The following UVRAG variants were observed in gnomAD, a reference collection of about 807,000 sequenced individuals.
UVRAG encodes the protein UV radiation resistance-associated gene protein.
Under a neutral mutation model 78.0 loss-of-function variants are expected in UVRAG, and 19 were observed. The ratio of observed to expected loss-of-function variants is 0.24; its 90% confidence interval spans 0.17 to 0.36. UVRAG has a LOEUF of 0.36. UVRAG is among the 10% of genes least tolerant of loss of function. The pLI is 1.00. For missense variants in UVRAG, 740 were observed against 853.8 expected (o/e 0.87, Z 1.66); for synonymous variants, 323 against 324.6 (o/e 1.00, Z 0.05).
Position 75,815,449 on chromosome 11 carries a change from AC to A in UVRAG, c.47del (p.Pro16ArgfsTer70), listed in dbSNP as rs1427902524. On this transcript the variant is annotated frameshift_variant, in exon 1 of 15. Transcript: ENST00000356136. LOFTEE classifies it high-confidence loss of function. ...ASVGGPVPQP[P>X]PGPAAALPPG... ...CGGTCGGGGGCCCCGTCCCCCAGCC[AC>A]CCCCGGGCCCGGCCGCTGCTCTGCC... 6 of 1,247,198 alleles carry A rather than the reference AC, an allele frequency of 4.8e-6. No homozygotes were observed. The highest frequency in any genetic ancestry group is 3.2e-5 in the South Asian group (1 of 30,816). The allele number at this position is 1,247,198 out of a possible 1,614,324, so 77.3% of individuals were successfully genotyped here. A position where few individuals can be genotyped will look rare whatever the true frequency, so the allele number is the denominator to read the frequency against.
intron 13 of UVRAG, among the ~76,000 whole-genome samples, chr11:76,068,621 GT>G (rs1482854955): frequency 1.3e-5 from 2 of 152,182 alleles, no homozygotes; most frequent in East Asian, 3.8e-4. Context: ...TTTTAGAACA[GT>G]TGTGACCTTT....
chr11:75,836,337 T>C (rs568857916), intron 1 of UVRAG, among the ~76,000 whole-genome samples: 15 of 152,268 alleles, frequency 9.9e-5, no homozygotes, highest in African/African-American at 3.6e-4. Context: ...TCTTCCTTAT[T>C]TTTCAGATAA....
intron 11 of UVRAG, chr11:76,013,175 A>G (rs896773901): frequency 1.3e-5 from 2 of 152,150 alleles, no homozygotes; most frequent in Non-Finnish European, 2.9e-5. Flanking sequence ...ATATAAATCA[A>G]AGGAACATTT....
At chr11:76,017,094 G>A (rs1051039406) in intron 12 of UVRAG, 114 bp downstream of exon 12, 1 of 660,690 alleles carries the variant, frequency 1.5e-6, no homozygotes. Context: ...TATAACCTTT[G>A]TAGAGTGCCT....
At chr11:76,090,512 C>G (rs1951678063) in intron 13 of UVRAG, among the ~76,000 whole-genome samples, 2 of 152,300 alleles carry the variant, frequency 1.3e-5, no homozygotes, top group East Asian at 3.9e-4. Flanking sequence ...TGGCTACCTG[C>G]AGGCTGCAAC....
rs574124255 is a variant in UVRAG at position 75,949,531 on chromosome 11, C to T, written c.594-11913C>T. ...TCAACACATCCTCTTGGATGTTACACAGGCACCTCCAACTGAAAATAGAAC... is the reference window on the plus strand; with the variant it reads ...TCAACACATCCTCTTGGATGTTACATAGGCACCTCCAACTGAAAATAGAAC... On this transcript the variant is annotated intron_variant, in intron 6 of 14. Transcript: ENST00000356136. Among the ~76,000 whole-genome samples the T allele has an allele frequency of 8.5e-5, 13 of 152,150 alleles. No homozygotes were observed. In the South Asian group the frequency reaches 1.5e-3, roughly 17 times the overall value.
chr11:76,139,921 C>G (rs1952675150), intron 14 of UVRAG, among the ~76,000 whole-genome samples: 1 of 151,036 alleles, frequency 6.6e-6, no homozygotes, highest in African/African-American at 2.4e-5. Context: ...GCATTGCAGA[C>G]CAAGTATTGT....
chr11:76,072,605 A>G lies in UVRAG; in HGVS notation c.1305+6817A>G, dbSNP rs111641627. 7.1e-3 allele frequency among the ~76,000 whole-genome samples: 1,074 copies of G among 152,338 alleles called. 18 individuals are homozygous for G. Among genetic ancestry groups the G allele is most frequent in the African/African-American group, 0.025 (1,027 of 41,574 alleles). ...AAGGAAGACTTTTGATAGGTATGAT[A>G]TAAATGTATAGTTCTTAACCACAAC... On this transcript the variant is annotated intron_variant, in intron 13 of 14. Transcript: ENST00000356136.
chr11:75,873,925 G>A (rs1035625594), intron 3 of UVRAG, among the ~76,000 whole-genome samples: 2 of 152,178 alleles, frequency 1.3e-5, no homozygotes, highest in Non-Finnish European at 1.5e-5. Context: ...CAGCGTCCTC[G>A]GTGGACAGTT....
At chr11:75,874,627 A>T (rs1000393925) in intron 3 of UVRAG, among the ~76,000 whole-genome samples, 4 of 151,474 alleles carry the variant, frequency 2.6e-5, no homozygotes, top group Non-Finnish European at 2.9e-5. Context: ...AAATATTTGT[A>T]TGTGCTAGAA....
At chr11:75,968,973 T>C (rs1412383521) in intron 7 of UVRAG, among the ~76,000 whole-genome samples, 2 of 152,208 alleles carry the variant, frequency 1.3e-5, no homozygotes, top group Non-Finnish European at 2.9e-5. Context: ...TGACTTTTTT[T>C]CCAATTATTT....
chr11:76,050,152 G>A (rs745365661), intron 12 of UVRAG, among the ~76,000 whole-genome samples: 3 of 152,078 alleles, frequency 2.0e-5, no homozygotes, highest in Non-Finnish European at 2.9e-5. Flanking sequence ...GTTAATCTGT[G>A]GCAAACACCA....
chr11:75,950,682 T>C (rs2135164872), intron 6 of UVRAG, among the ~76,000 whole-genome samples: 2 of 152,288 alleles, frequency 1.3e-5, no homozygotes, highest in South Asian at 4.1e-4. Flanking sequence ...TTTGAAAAGT[T>C]CCAGTTGCTC....
At chr11:75,978,771 A>G (rs891574949) in intron 7 of UVRAG, among the ~76,000 whole-genome samples, 4 of 152,192 alleles carry the variant, frequency 2.6e-5, no homozygotes, top group Non-Finnish European at 4.4e-5. Context: ...CCATTCATCC[A>G]ATATTTTTCA....
intron 14 of UVRAG, among the ~76,000 whole-genome samples, chr11:76,126,094 C>T (rs1286567934): frequency 2.0e-5 from 3 of 150,874 alleles, no homozygotes; most frequent in South Asian, 2.1e-4. Context: ...GGACCACAGG[C>T]GCATGCCACC....
chr11:75,846,234 A>G (rs1191835497), intron 1 of UVRAG, among the ~76,000 whole-genome samples: 1 of 152,218 alleles, frequency 6.6e-6, no homozygotes, highest in Non-Finnish European at 1.5e-5. Flanking sequence ...CAATAGGCTA[A>G]AAGTGTTATT....
intron 12 of UVRAG, among the ~76,000 whole-genome samples, chr11:76,022,575 G>A (rs2135383010): frequency 6.6e-6 from 1 of 152,242 alleles, no homozygotes; most frequent in South Asian, 2.1e-4. Flanking sequence ...TGTTTTATCT[G>A]ATATTAGTAT....
intron 14 of UVRAG, among the ~76,000 whole-genome samples, chr11:76,129,805 A>G (rs1298801146): frequency 6.6e-6 from 1 of 150,778 alleles, no homozygotes; most frequent in Non-Finnish European, 1.5e-5. Context: ...CCCACCATCC[A>G]CTCTGGACCC....
At chr11:75,889,374 G>A (rs758664630) in intron 5 of UVRAG, among the ~76,000 whole-genome samples, 1 of 152,174 alleles carries the variant, frequency 6.6e-6, no homozygotes, top group African/African-American at 2.4e-5. Flanking sequence ...ACTATCTATG[G>A]TACTGTGCCA....
Sources: gnomAD v4.1 joint callset for allele counts (sites outside exome capture counted in the v4.1 genomes callset) on GRCh38, gnomAD v4.1.1 for gene constraint, MANE v1.5 for transcripts, NCBI Gene and HGNC (gene_info 2026-07-23, HGNC 2026-07-21) for gene names.